Variants in NSD2 observed in about 807,000 individuals in gnomAD.
NSD2 encodes the protein nuclear receptor binding SET domain protein 2.
In NSD2, 12 loss-of-function variants were observed where a neutral mutation model predicts 139.0. The ratio of observed to expected loss-of-function variants is 0.09; its 90% CI spans 0.06 to 0.14. The LOEUF is 0.14. NSD2 is among the 10% of genes least tolerant of loss of function. The pLI, the probability that NSD2 is intolerant of heterozygous loss-of-function variation, is 1.00. For missense variants in NSD2, 1,155 were observed against 1,745.0 expected, an observed-to-expected ratio of 0.66 and a Z score of 6.02; for synonymous variants, 669 against 648.7, an observed-to-expected ratio of 1.03 and a Z score of -0.48.
At position 1,979,677 on chromosome 4, in the gene NSD2, T is replaced by C; in HGVS notation, c.*768T>C. ...TCTCACCTGGGCCTATCTTCTGAACTCGCTAGGTTCTTATCAACATTTGGG... is the reference window on the plus strand; with the variant it reads ...TCTCACCTGGGCCTATCTTCTGAACCCGCTAGGTTCTTATCAACATTTGGG... On this transcript the variant is annotated 3_prime_UTR_variant, in exon 22 of 22. Coordinates refer to ENST00000508803, the MANE Select transcript of NSD2 (RefSeq NM_001042424.3). 4.3e-6 allele frequency: 1 copy of C among 232,632 alleles called. No homozygotes were observed. Among genetic ancestry groups the C allele is most frequent in the South Asian group, 1.8e-4 (1 of 5,528 alleles). The allele number at this position is 232,632 out of a possible 1,614,324, so 14.4% of individuals were successfully genotyped here. A position where few individuals can be genotyped will look rare whatever the true frequency, so the allele number is the denominator to read the frequency against.
At chr4:1,924,891 C>T (rs891033604) in intron 5 of NSD2, among the ~76,000 whole-genome samples, 2 of 152,190 alleles carry the variant, frequency 1.3e-5, no homozygotes, top group Admixed American at 6.5e-5. Context: ...TGCGCCACTG[C>T]ACTCCAGTTT....
In NSD2 at chr4:1,958,849, A is replaced by G. The variant is rs909124226; in HGVS notation, c.2986-622A>G. ...CAAAATGTACAGTTTGTCATACCAC[A>G]GCAGTGAAAAGAGTGTCTTTCGCCA... On this transcript the variant is annotated intron_variant, in intron 16 of 21. Transcript: ENST00000508803. This position sits in a 1 kb window ranked among gnomAD's most constrained non-coding sequence, Gnocchi z 4.6. Among the ~76,000 whole-genome samples the G allele has an allele frequency of 2.6e-5, 4 of 152,382 alleles. No individual in the cohort carries two copies. The South Asian group carries it at 8.3e-4, about 32-fold the overall frequency.
chr4:1,952,045 T>C, intron 10 of NSD2, 63 bp from the exon 11 acceptor site: 1 of 1,566,970 alleles, frequency 6.4e-7, no homozygotes, highest in South Asian at 1.2e-5. Context: ...ACGGCTTCCC[T>C]TGTGGTAAGA....
chr4:1,886,124 C>G (rs75345749), intron 1 of NSD2, among the ~76,000 whole-genome samples: 8 of 152,334 alleles, frequency 5.3e-5, no homozygotes, highest in African/African-American at 1.9e-4. Context: ...CTTTGTGAGT[C>G]TTGTAATCAA....
chr4:1,894,692 T>C (rs78721382), intron 1 of NSD2, among the ~76,000 whole-genome samples: 1 of 147,532 alleles, frequency 6.8e-6, no homozygotes, highest in African/African-American at 2.5e-5. Flanking sequence ...AAAAAAAAAA[T>C]GAAAAGAAGA....
chr4:1,948,940 G>T lies in NSD2; in HGVS notation c.1882-2132G>T, dbSNP rs2108931701. On this transcript the variant is annotated intron_variant, in intron 9 of 21. Transcript: ENST00000508803. The surrounding 1 kb of genome is among the most constrained non-coding windows in gnomAD (Gnocchi z 4.5). Reference sequence around the variant, plus strand: ...GCATGGGTTGGTGGATAGCGCTGGGGCTCTCTCCCCTGAGCCATGCAGAAG... The same window carrying T: ...GCATGGGTTGGTGGATAGCGCTGGGTCTCTCTCCCCTGAGCCATGCAGAAG... 4 of 436,928 alleles carry T rather than the reference G, an allele frequency of 9.2e-6. No individual in the cohort carries two copies. Among genetic ancestry groups the T allele is most frequent in the East Asian group, 9.2e-5 (1 of 10,840 alleles). 27.1% of individuals were successfully genotyped at this position (436,928 alleles called of 1,614,324 possible). A position where few individuals can be genotyped will look rare whatever the true frequency, so the allele number is the denominator to read the frequency against.
At chr4:1,952,859 C>T in intron 11 of NSD2, 1 of 1,309,000 alleles carries the variant, frequency 7.6e-7, no homozygotes, top group Non-Finnish European at 9.7e-7. Context: ...TATCTCACGT[C>T]AGAACACTTC....
chr4:1,882,508 A>G (rs1489318193), intron 1 of NSD2, among the ~76,000 whole-genome samples: 2 of 152,154 alleles, frequency 1.3e-5, no homozygotes. Flanking sequence ...CTAAAAACAC[A>G]CAAAAATTAT....
intron 5 of NSD2, among the ~76,000 whole-genome samples, chr4:1,920,675 G>A (rs1357110916): frequency 6.6e-6 from 1 of 151,968 alleles, no homozygotes; most frequent in Non-Finnish European, 1.5e-5. Flanking sequence ...TGTTGAGGTT[G>A]CAGTGAGCTG....
chr4:1,952,094 C>A lies in NSD2; in HGVS notation c.2014-14C>A. On this transcript the variant is annotated splice_polypyrimidine_tract_variant and intron_variant, in intron 10 of 21. Transcript: ENST00000508803. ...CTGCCGGGCGCTGCTTACCCGCCTG[C>A]TCTGCCCCCGCAGCTGTGTGAGAAG... 1 of 1,613,244 alleles carries A rather than the reference C, an allele frequency of 6.2e-7. No individual in the cohort carries two copies. Among genetic ancestry groups the A allele is most frequent in the Non-Finnish European group, 8.5e-7 (1 of 1,179,490 alleles).
intron 1 of NSD2, among the ~76,000 whole-genome samples, chr4:1,900,235 TGC>T (rs1716968510): frequency 6.6e-6 from 1 of 152,228 alleles, no homozygotes; most frequent in African/African-American, 2.4e-5. Context: ...CCTGGCATTA[TGC>T]CAGCTGCCTC....
chr4:1,886,580 C>G (rs1715129337), intron 1 of NSD2, among the ~76,000 whole-genome samples: 1 of 152,084 alleles, frequency 6.6e-6, no homozygotes, highest in Non-Finnish European at 1.5e-5. Context: ...GCCTGTAATT[C>G]CAGCACTTTG....
At position 1,932,508 on chromosome 4, in the gene NSD2, A is replaced by G. The variant is rs77438375; in HGVS notation, c.1555+1738A>G. Among the ~76,000 whole-genome samples, 541 of 151,166 alleles carry G rather than the reference A, an allele frequency of 3.6e-3. 23 individuals are homozygous for G. The East Asian group carries it at 0.096, about 27-fold the overall frequency. On this transcript the variant is annotated intron_variant, in intron 6 of 21. Coordinates refer to ENST00000508803, the MANE Select transcript of NSD2 (RefSeq NM_001042424.3). ...CCGCCTGTAATCCCAGCACTTTGGG[A>G]GGCCGAGGTGGGCAGATCACCTGAG...
At chr4:1,952,852 C>G in intron 11 of NSD2, 2 of 1,280,186 alleles carry the variant, frequency 1.6e-6, no homozygotes, top group Non-Finnish European at 2.0e-6. Flanking sequence ...AGTCTCCTAT[C>G]TCACGTCAGA....
chr4:1,956,293 G>T lies in NSD2; in HGVS notation c.2881+105G>T. 1 of 1,003,934 alleles carries T rather than the reference G, an allele frequency of 1.0e-6. No homozygotes were observed. The highest frequency in any genetic ancestry group is 1.4e-6 in the Non-Finnish European group (1 of 720,184). The allele number at this position is 1,003,934 out of a possible 1,614,324, so 62.2% of individuals were successfully genotyped here. On this transcript the variant is annotated intron_variant, in intron 15 of 21. Transcript: ENST00000508803. The surrounding 1 kb of genome is among the most constrained non-coding windows in gnomAD (Gnocchi z 5.3). ...ATCTTTATAGAAAATACTGGACTAA[G>T]CATTCAATCTGTTTTTTTAAATTAG...
At chr4:1,946,242 G>T (rs1344618380) in intron 9 of NSD2, 1 of 1,002,734 alleles carries the variant, frequency 1.0e-6, no homozygotes, top group African/African-American at 1.7e-5. Flanking sequence ...AAATTTGGGG[G>T]GTCTTGCATT....
chr4:1,942,341 T>G lies in NSD2; in HGVS notation c.1881+2563T>G. ...TTTTTCGCCTTCACTGGTAACAGCT[T>G]TTGTGGGAGCCCACACCAGTCAAGT... is the stretch of plus-strand genomic sequence containing the variant. On this transcript the variant is annotated intron_variant, in intron 9 of 21. Transcript: ENST00000508803. The surrounding 1 kb of genome is among the most constrained non-coding windows in gnomAD (Gnocchi z 4.0). The G allele has an allele frequency of 6.2e-7, 1 of 1,613,578 alleles. No individual in the cohort carries two copies. The highest frequency in any genetic ancestry group is 1.1e-5 in the South Asian group (1 of 90,906).
chr4:1,910,193 A>G (rs960258360), intron 3 of NSD2, among the ~76,000 whole-genome samples: 2 of 152,014 alleles, frequency 1.3e-5, no homozygotes, highest in African/African-American at 2.4e-5. Flanking sequence ...GCTAGTATCT[A>G]CCAGGGCACC....
At chr4:1,872,631 A>AGAGAGAGAGAGAGC (rs984225040) in intron 1 of NSD2, among the ~76,000 whole-genome samples, 1 of 133,310 alleles carries the variant, frequency 7.5e-6, no homozygotes, top group African/African-American at 2.8e-5. Context: ...AGAGAGAGAG[A>AGAGAGAGAGAGAGC]GAGAGCGCGC....
Sources: allele counts gnomAD v4.1 joint callset (sites outside exome capture counted in the v4.1 genomes callset), GRCh38; gene constraint gnomAD v4.1.1; non-coding constraint Gnocchi (gnomAD v3.1); transcripts MANE v1.5; gene names NCBI Gene and HGNC (gene_info 2026-07-23, HGNC 2026-07-21).